B4GALT1: variants seen among roughly 807,000 people sequenced by gnomAD.
B4GALT1 encodes beta-1,4-galactosyltransferase 1, also known as N-acetyllactosamine synthase.
In B4GALT1, 16 loss-of-function variants were observed where a neutral mutation model predicts 34.9. That is an observed-to-expected ratio of 0.46 (90% CI 0.31 to 0.70). The LOEUF (loss-of-function observed/expected upper bound fraction) is 0.70. Among genes scored for constraint, B4GALT1 ranks in the 30% least tolerant of loss-of-function variants. The probability of loss-of-function intolerance (pLI) is 0.05; values close to 1 mark genes in which losing one functional copy is unlikely to be tolerated. For missense variants in B4GALT1, 445 were observed against 530.5 expected (o/e 0.84, Z 1.58); for synonymous variants, 221 against 218.1 (o/e 1.01, Z -0.12).
At chr9:33,160,876 T>A (rs1052848647) in intron 1 of B4GALT1, among the ~76,000 whole-genome samples, 1 of 152,184 alleles carries the variant, frequency 6.6e-6, no homozygotes, top group South Asian at 2.1e-4. Flanking sequence ...TGCTTTTATA[T>A]CTCTTTCAAC....
At chr9:33,123,732 T>C (rs1207939726) in intron 2 of B4GALT1, among the ~76,000 whole-genome samples, 1 of 152,186 alleles carries the variant, frequency 6.6e-6, no homozygotes, top group Non-Finnish European at 1.5e-5. Context: ...CTAAGCATTT[T>C]TCCTCTCCCA....
intron 1 of B4GALT1, among the ~76,000 whole-genome samples, chr9:33,152,556 TAA>T (rs71970666): frequency 1.1e-4 from 11 of 102,284 alleles, no homozygotes; most frequent in Non-Finnish European, 1.5e-4. Flanking sequence ...AAAAAAAGGG[TAA>T]AAAAAAAAAA....
intron 1 of B4GALT1, among the ~76,000 whole-genome samples, chr9:33,165,927 G>GC (rs1366577313): frequency 6.6e-5 from 10 of 152,234 alleles, no homozygotes; most frequent in Admixed American, 5.9e-4. Context: ...GACTCAGGCT[G>GC]CTACCGGAAG....
chr9:33,162,722 TC>T (rs1840691716), intron 1 of B4GALT1, among the ~76,000 whole-genome samples: 1 of 152,186 alleles, frequency 6.6e-6, no homozygotes, highest in Non-Finnish European at 1.5e-5. Context: ...TGGCTCTTAC[TC>T]CCCATTCCCC....
chr9:33,183,238 G>A, the B4GALT1 span, among the ~76,000 whole-genome samples: 5 of 151,968 alleles, frequency 3.3e-5, no homozygotes, highest in East Asian at 9.7e-4. Context: ...TCATTAGATA[G>A]CTACCCATTA....
At position 33,135,055 on chromosome 9, in the gene B4GALT1, G is replaced by A. The variant is rs574064816; in HGVS notation, c.648+134C>T. The A allele has an allele frequency of 1.3e-4, 117 of 888,220 alleles. No individual in the cohort carries two copies. The African/African-American group carries it at 1.5e-3, about 11-fold the overall frequency. 55.0% of individuals were successfully genotyped at this position (888,220 alleles called of 1,614,324 possible). ...TACCTCATCTGCACTGGTGGTGGCTGGGGGGCTGGTTCCTCGCTGTAAGTG... is the reference window on the plus strand; with the variant it reads ...TACCTCATCTGCACTGGTGGTGGCTAGGGGGCTGGTTCCTCGCTGTAAGTG... On this transcript the variant is annotated intron_variant, in intron 2 of 5. Transcript: ENST00000379731.
the B4GALT1 span, among the ~76,000 whole-genome samples, chr9:33,184,285 C>CAT: frequency 6.6e-6 from 1 of 151,174 alleles, no homozygotes; most frequent in Non-Finnish European, 1.5e-5. Context: ...CACACACACA[C>CAT]ACAAAAACAT....
chr9:33,162,736 G>A (rs897292088), intron 1 of B4GALT1, among the ~76,000 whole-genome samples: 1 of 152,210 alleles, frequency 6.6e-6, no homozygotes, highest in African/African-American at 2.4e-5. Context: ...CATTCCCCAA[G>A]GAGTTTCCAT....
At chr9:33,168,034 A>G (rs1840798450), upstream of B4GALT1, among the ~76,000 whole-genome samples, 1 of 152,136 alleles carries the variant, frequency 6.6e-6, no homozygotes, top group Non-Finnish European at 1.5e-5. Context: ...AGTCCTGTAT[A>G]CTTTGAAGAG....
At chr9:33,139,820 C>T (rs1396883087) in intron 1 of B4GALT1, among the ~76,000 whole-genome samples, 1 of 152,264 alleles carries the variant, frequency 6.6e-6, no homozygotes, top group Non-Finnish European at 1.5e-5. Context: ...AGCCAAGGCG[C>T]CCTTGCTGTG....
chr9:33,166,841 G>C lies in B4GALT1; in HGVS notation c.329C>G (p.Pro110Arg). The change falls in exon 1 of 6, where the codon CCC (proline) becomes CGC (arginine). Residue 110 changes from proline to arginine, a missense_variant. Physicochemically the swap from Pro to Arg is moderately radical, Grantham distance 103 (BLOSUM62 -2). Transcript: ENST00000379731. ...SSPVVDSGPG[P>R]ASNLTSVPVP... ...TGGGACCGAGGTCAAGTTGCTAGCG[G>C]GGCCAGGGCCAGAATCCACGACTGG... is the stretch of plus-strand genomic sequence containing the variant. The C allele has an allele frequency of 1.3e-6, 2 of 1,557,312 alleles. No individual in the cohort carries two copies. The highest frequency in any genetic ancestry group is 1.2e-5 in the South Asian group (1 of 84,396).
chr9:33,164,525 G>A (rs1037581645), intron 1 of B4GALT1, among the ~76,000 whole-genome samples: 1 of 152,168 alleles, frequency 6.6e-6, no homozygotes, highest in Non-Finnish European at 1.5e-5. Context: ...AATAGAGAAG[G>A]CACTCTCTCC....
At chr9:33,124,299 T>C (rs1234427044) in intron 2 of B4GALT1, among the ~76,000 whole-genome samples, 1 of 152,146 alleles carries the variant, frequency 6.6e-6, no homozygotes, top group Non-Finnish European at 1.5e-5. Context: ...CCTCTGCCCC[T>C]CCATTTGCTC....
At chr9:33,129,780 A>T (rs535894993) in intron 2 of B4GALT1, among the ~76,000 whole-genome samples, 1 of 152,276 alleles carries the variant, frequency 6.6e-6, no homozygotes, top group East Asian at 1.9e-4. Flanking sequence ...TGGGGAGGGA[A>T]GCTTAAAAGA....
Position 33,166,894 on chromosome 9 carries a change from GGAGGAGGCGCCTA to G in B4GALT1, c.263_275del (p.Leu88ProfsTer23), listed in dbSNP as rs1264773012. On this transcript the variant is annotated frameshift_variant, in exon 1 of 6. Transcript: ENST00000379731. LOFTEE classifies it high-confidence loss of function. ...TGGAGTCGCCACCCGGGCGCGGCTG[GGAGGAGGCGCCTA>G]GAGGAGGCGGCGGCCGGGCCCCTCC... The G allele has an allele frequency of 6.3e-7, 1 of 1,580,212 alleles. No individual in the cohort carries two copies.
intron 1 of B4GALT1, among the ~76,000 whole-genome samples, chr9:33,157,504 C>G (rs1840613199): frequency 6.6e-6 from 1 of 152,110 alleles, no homozygotes; most frequent in Non-Finnish European, 1.5e-5. Context: ...TTAGGATAAT[C>G]ATAAACAACA....
chr9:33,132,690 T>C (rs994913620), intron 2 of B4GALT1, among the ~76,000 whole-genome samples: 1 of 152,122 alleles, frequency 6.6e-6, no homozygotes, highest in Non-Finnish European at 1.5e-5. Context: ...ATGTAAATTG[T>C]ATCATAGGAA....
intron 1 of B4GALT1, among the ~76,000 whole-genome samples, 160 bp from the exon 2 acceptor site, chr9:33,135,584 C>T (rs1840257225): frequency 6.6e-6 from 1 of 152,230 alleles, no homozygotes; most frequent in Admixed American, 6.5e-5. Flanking sequence ...CAGCATCAGG[C>T]ACCACATCCA....
the B4GALT1 span, among the ~76,000 whole-genome samples, chr9:33,179,125 C>T: frequency 6.6e-6 from 1 of 152,174 alleles, no homozygotes; most frequent in Admixed American, 6.5e-5. Context: ...GATTGGCCAA[C>T]CCAACATTAT....
Sources: gnomAD v4.1 joint callset for allele counts (sites outside exome capture counted in the v4.1 genomes callset) on GRCh38, gnomAD v4.1.1 for gene constraint, MANE v1.5 for transcripts, NCBI Gene and HGNC (gene_info 2026-07-23, HGNC 2026-07-21) for gene names.